CRACD: variants seen among roughly 807,000 people sequenced by gnomAD.
CRACD encodes the protein capping protein inhibiting regulator of actin dynamics, also known as capping protein-inhibiting regulator of actin dynamics.
Under a neutral mutation model 106.8 loss-of-function variants are expected in CRACD, and 56 were observed. The ratio of observed to expected loss-of-function variants is 0.52; its 90% CI spans 0.42 to 0.66. The LOEUF is 0.66. Among genes scored for constraint, CRACD ranks in the 30% least tolerant of loss-of-function variants. The pLI is 0.00. For synonymous variants in CRACD, 754 were observed against 670.8 expected (o/e 1.12, Z -1.92); for missense variants, 1,730 against 1,623.2 (o/e 1.07, Z -1.13).
At chr4:56,104,847 A>G (rs928609241) in intron 1 of CRACD, among the ~76,000 whole-genome samples, 2 of 151,822 alleles carry the variant, frequency 1.3e-5, no homozygotes, top group Non-Finnish European at 2.9e-5. Context: ...GGTGCCTGTA[A>G]TCCCAGCTAC....
At chr4:56,257,526 G>GAAAA (rs533700935) in intron 2 of CRACD, among the ~76,000 whole-genome samples, 1 of 123,014 alleles carries the variant, frequency 8.1e-6, no homozygotes. Context: ...TGTCTCTACA[G>GAAAA]AAAAAAAAAA....
chr4:56,165,007 TG>T (rs1302115707), intron 1 of CRACD, among the ~76,000 whole-genome samples: 1 of 152,190 alleles, frequency 6.6e-6, no homozygotes, highest in African/African-American at 2.4e-5. Flanking sequence ...AGAAACAACT[TG>T]GGCAGTTGGA....
rs1170609915 is a variant in CRACD, at chr4:56,315,830, G to A, written c.2328G>A (p.Ser776=). The change falls in exon 8 of 11, where the codon TCG becomes TCA. Residue 776 remains serine (S), a synonymous_variant. Transcript: ENST00000682029. The surrounding 1 kb of genome is among the most constrained non-coding windows in gnomAD (Gnocchi z 4.1). Reference sequence around the variant, plus strand: ...AGCTCGGGAAGGGTCCGGAGAAGTCGGAGATGCACCGGGAGCCCGCAGACA... The same window carrying A: ...AGCTCGGGAAGGGTCCGGAGAAGTCAGAGATGCACCGGGAGCCCGCAGACA... ...VRELGKGPEK[S]EMHREPADTT... is the part of the protein sequence containing the mutation. 1 of 1,614,052 alleles carries A rather than the reference G, an allele frequency of 6.2e-7. No homozygotes were observed. Among genetic ancestry groups the A allele is most frequent in the South Asian group, 1.1e-5 (1 of 91,086 alleles).
intron 1 of CRACD, among the ~76,000 whole-genome samples, chr4:56,161,833 G>A (rs1319291754): frequency 4.0e-5 from 6 of 149,862 alleles, no homozygotes; most frequent in African/African-American, 1.2e-4. Context: ...GCATGATCTC[G>A]GCTCACTGCA....
chr4:56,167,885 A>T (rs188873456), intron 1 of CRACD, among the ~76,000 whole-genome samples: 1 of 152,352 alleles, frequency 6.6e-6, no homozygotes, highest in African/African-American at 2.4e-5. Flanking sequence ...ATGCTAAATG[A>T]AATAAGTCAG....
At chr4:56,233,767 G>C (rs1156820742) in intron 2 of CRACD, among the ~76,000 whole-genome samples, 1 of 152,114 alleles carries the variant, frequency 6.6e-6, no homozygotes, top group Non-Finnish European at 1.5e-5. Flanking sequence ...GGATTGTGTT[G>C]AATCTATAAG....
chr4:56,087,908 C>T (rs1468943637), intron 1 of CRACD, among the ~76,000 whole-genome samples: 4 of 152,236 alleles, frequency 2.6e-5, no homozygotes, highest in African/African-American at 7.2e-5. Context: ...GCTACCATGT[C>T]GCTAATTCAG....
chr4:56,115,167 T>G (rs1049055723), intron 1 of CRACD, among the ~76,000 whole-genome samples: 3 of 152,186 alleles, frequency 2.0e-5, no homozygotes, highest in African/African-American at 7.2e-5. Context: ...ATAAAGGGAC[T>G]GGAAATTGTT....
At chr4:56,202,522 C>T (rs1428250587) in intron 2 of CRACD, among the ~76,000 whole-genome samples, 1 of 152,184 alleles carries the variant, frequency 6.6e-6, no homozygotes, top group Non-Finnish European at 1.5e-5. Context: ...GCTGGGATTA[C>T]AGGTGTGAGC....
intron 1 of CRACD, among the ~76,000 whole-genome samples, chr4:56,153,365 C>A (rs1306886885): frequency 2.6e-5 from 4 of 152,180 alleles, no homozygotes; most frequent in Non-Finnish European, 5.9e-5. Flanking sequence ...GCATCATCAC[C>A]CTCTTCAGGC....
In CRACD at chr4:56,203,539, A is replaced by G. The variant is rs112568546; in HGVS notation, c.-189+24109A>G. ...CTTCTTGAGGTTCCTTCCTTCCTTCATTCCACTGTCCAGAGTTGCATATTG... is the reference window on the plus strand; with the variant it reads ...CTTCTTGAGGTTCCTTCCTTCCTTCGTTCCACTGTCCAGAGTTGCATATTG... On this transcript the variant is annotated intron_variant, in intron 2 of 10. Transcript: ENST00000682029. 5.9e-3 allele frequency among the ~76,000 whole-genome samples: 895 copies of G among 152,198 alleles called. 11 individuals are homozygous for G. Among genetic ancestry groups the G allele is most frequent in the African/African-American group, 0.021 (855 of 41,500 alleles).
At chr4:56,264,348 C>T (rs142596873) in intron 2 of CRACD, among the ~76,000 whole-genome samples, 174 of 152,108 alleles carry the variant, frequency 1.1e-3, no homozygotes, top group Admixed American at 2.2e-3. Context: ...ACCTTATAAT[C>T]CTTAAAAAAA....
At position 56,116,085 on chromosome 4, in the gene CRACD, T is replaced by C. The variant is rs570767644; in HGVS notation, c.-335-63199T>C. Among the ~76,000 whole-genome samples, 29 of 152,346 alleles carry C rather than the reference T, an allele frequency of 1.9e-4. 1 individual carries two copies. The South Asian group carries it at 5.8e-3, about 30-fold the overall frequency. On this transcript the variant is annotated intron_variant, in intron 1 of 10. Transcript: ENST00000682029. ...AACAAGCCTAGTCATCTTCTCTGCGTAGTGCAGAAGGTGATAATAAATTGC... is the reference window on the plus strand; with the variant it reads ...AACAAGCCTAGTCATCTTCTCTGCGCAGTGCAGAAGGTGATAATAAATTGC...
chr4:56,144,779 C>G (rs554353416), intron 1 of CRACD, among the ~76,000 whole-genome samples: 67 of 152,110 alleles, frequency 4.4e-4, no homozygotes, highest in African/African-American at 1.6e-3. Context: ...CTCAGCCCCC[C>G]AGTAGCTGGG....
At chr4:56,252,046 T>G (rs1326033246) in intron 2 of CRACD, among the ~76,000 whole-genome samples, 1 of 152,238 alleles carries the variant, frequency 6.6e-6, no homozygotes, top group Non-Finnish European at 1.5e-5. Flanking sequence ...TGTTATATTT[T>G]ACTCTATTAT....
At chr4:56,290,966 C>T (rs978229953) in intron 3 of CRACD, among the ~76,000 whole-genome samples, 11 of 152,152 alleles carry the variant, frequency 7.2e-5, no homozygotes, top group Admixed American at 3.3e-4. Flanking sequence ...TTTTACCATG[C>T]GTGCTTTGCA....
Position 56,314,706 on chromosome 4 carries a change from G to C in CRACD, c.1204G>C (p.Gly402Arg), listed in dbSNP as rs1263445772. 1.3e-6 allele frequency: 2 copies of C among 1,561,956 alleles called. No individual in the cohort carries two copies. The highest frequency in any genetic ancestry group is 1.2e-5 in the South Asian group (1 of 84,946). Residue 402 changes from glycine to arginine, a missense_variant, in exon 8 of 11, where the codon GGG becomes CGG. Around this residue, in one of 5 missense-constraint regions of CRACD, gnomAD observed 1,620 missense variants for 1,481.6 expected, o/e 1.09. Coordinates refer to ENST00000682029, the MANE Select transcript of CRACD (RefSeq NM_001393381.1). This position sits in a 1 kb window ranked among gnomAD's most constrained non-coding sequence, Gnocchi z 4.4. ...GRRGAEEEDL[G>R]EEEEEGQAHL... Reference sequence around the variant, plus strand: ...GCGGGGCGCGGAGGAGGAGGATCTGGGGGAAGAGGAGGAGGAGGGCCAGGC... The same window carrying C: ...GCGGGGCGCGGAGGAGGAGGATCTGCGGGAAGAGGAGGAGGAGGGCCAGGC...
At chr4:56,074,819 G>A (rs1310847587) in intron 1 of CRACD, among the ~76,000 whole-genome samples, 3 of 152,038 alleles carry the variant, frequency 2.0e-5, no homozygotes, top group African/African-American at 4.8e-5. Flanking sequence ...ATTGGTTGTG[G>A]GTTTGTCATG....
At chr4:56,177,440 G>C (rs759308944) in intron 1 of CRACD, among the ~76,000 whole-genome samples, 3 of 152,070 alleles carry the variant, frequency 2.0e-5, no homozygotes, top group Admixed American at 6.6e-5. Flanking sequence ...CATTTCAATG[G>C]GATGTTGACT....
Sources: allele counts gnomAD v4.1 joint callset (sites outside exome capture counted in the v4.1 genomes callset), GRCh38; gene constraint gnomAD v4.1.1; regional missense constraint gnomAD v4.1.1; non-coding constraint Gnocchi (gnomAD v3.1); transcripts MANE v1.5; gene names NCBI Gene and HGNC (gene_info 2026-07-23, HGNC 2026-07-21).